EGFLAM: variants seen among roughly 807,000 people sequenced by gnomAD.
EGFLAM encodes the protein pikachurin.
EGFLAM carries 79 observed loss-of-function variants against 113.1 expected under a neutral mutation model. That is an observed-to-expected ratio of 0.70 (90% CI 0.58 to 0.84). The LOEUF (loss-of-function observed/expected upper bound fraction) is 0.84. Ranked by LOEUF, EGFLAM falls within the 40% of genes least tolerant of loss-of-function variation. EGFLAM has a pLI of 0.00. For synonymous variants in EGFLAM, 504 were observed against 487.6 expected, an observed-to-expected ratio of 1.03 and a Z score of -0.44; for missense variants, 1,265 against 1,291.6, an observed-to-expected ratio of 0.98 and a Z score of 0.32.
intron 1 of EGFLAM, among the ~76,000 whole-genome samples, chr5:38,327,320 C>A (rs1489956577): frequency 1.3e-5 from 2 of 152,044 alleles, no homozygotes; most frequent in Non-Finnish European, 2.9e-5. Context: ...ATACCCACAC[C>A]CACATGTCTT....
intron 15 of EGFLAM, 77 bp downstream of exon 15, chr5:38,431,365 C>A: frequency 7.0e-7 from 1 of 1,434,270 alleles, no homozygotes; most frequent in Non-Finnish European, 9.6e-7. Context: ...GGTAGAAAAG[C>A]AGCAGAGTGT....
chr5:38,333,947 G>T (rs1219567920), intron 1 of EGFLAM, among the ~76,000 whole-genome samples: 2 of 91,874 alleles, frequency 2.2e-5, no homozygotes, highest in African/African-American at 5.5e-5. Context: ...TTTTGAGATG[G>T]AGTTTTGCTC....
At chr5:38,259,240 C>T (rs553859488) in intron 1 of EGFLAM, among the ~76,000 whole-genome samples, 2 of 152,258 alleles carry the variant, frequency 1.3e-5, no homozygotes, top group Admixed American at 6.5e-5. Flanking sequence ...TGTCCAGAGC[C>T]CAGCCATTTC....
intron 1 of EGFLAM, among the ~76,000 whole-genome samples, chr5:38,335,046 C>G (rs550387503): frequency 1.3e-5 from 2 of 152,120 alleles, no homozygotes; most frequent in Non-Finnish European, 2.9e-5. Flanking sequence ...CCCACAAAAA[C>G]TAGGCAGCCC....
chr5:38,388,936 A>AC (rs1483452111), intron 6 of EGFLAM, among the ~76,000 whole-genome samples: 2 of 151,354 alleles, frequency 1.3e-5, no homozygotes, highest in Admixed American at 1.3e-4. Flanking sequence ...AAAAAAACAA[A>AC]AAAAAATGCA....
At chr5:38,289,495 C>T (rs757004783) in intron 1 of EGFLAM, among the ~76,000 whole-genome samples, 3 of 152,190 alleles carry the variant, frequency 2.0e-5, no homozygotes, top group Non-Finnish European at 2.9e-5. Flanking sequence ...AGAGACTGAT[C>T]TCTGAAGCAT....
chr5:38,429,007 C>T (rs1377879652), intron 14 of EGFLAM, among the ~76,000 whole-genome samples: 3 of 152,210 alleles, frequency 2.0e-5, no homozygotes, highest in African/African-American at 4.8e-5. Flanking sequence ...CCATTGGAAG[C>T]TGTTTATTTT....
rs1742681422 is a variant in EGFLAM at position 38,445,598 on chromosome 5, C to T, written c.2465-2703C>T. The T allele has an allele frequency of 5.6e-6, 9 of 1,598,132 alleles. No individual in the cohort carries two copies. In the Admixed American group the frequency reaches 1.2e-4, roughly 21 times the overall value. The stretch of plus-strand genomic sequence containing the variant: ...AGAAACAAGGCTGGCTTCAAGTGAT[C>T]TGCAACCAGAGTAATTGGGATTTGA... On this transcript the variant is annotated intron_variant, in intron 17 of 21. Transcript: ENST00000322350.
intron 1 of EGFLAM, among the ~76,000 whole-genome samples, chr5:38,267,101 A>G (rs543048199): frequency 6.6e-6 from 1 of 152,328 alleles, no homozygotes; most frequent in African/African-American, 2.4e-5. Flanking sequence ...CCGAGCAAGG[A>G]TATACATCCC....
intron 6 of EGFLAM, among the ~76,000 whole-genome samples, chr5:38,405,617 A>G (rs1156928832): frequency 1.3e-5 from 2 of 152,196 alleles, no homozygotes; most frequent in African/African-American, 4.8e-5. Context: ...TTGTTCTTAT[A>G]AATAGCATAT....
At chr5:38,435,408 C>G (rs548432574) in intron 16 of EGFLAM, among the ~76,000 whole-genome samples, 155 bp downstream of exon 16, 1 of 152,368 alleles carries the variant, frequency 6.6e-6, no homozygotes, top group South Asian at 2.1e-4. Flanking sequence ...CACAGCATGG[C>G]TTTCCAACCT....
intron 1 of EGFLAM, among the ~76,000 whole-genome samples, chr5:38,321,440 A>T (rs910783179): frequency 6.6e-6 from 1 of 152,188 alleles, no homozygotes; most frequent in Non-Finnish European, 1.5e-5. Context: ...GTACTGATCC[A>T]TGGCCCCTGT....
At chr5:38,381,975 G>C (rs755806044) in intron 6 of EGFLAM, among the ~76,000 whole-genome samples, 25 of 152,208 alleles carry the variant, frequency 1.6e-4, no homozygotes, top group Non-Finnish European at 3.1e-4. Context: ...AGTGTAGCTG[G>C]AGAAGGGAGT....
intron 6 of EGFLAM, among the ~76,000 whole-genome samples, chr5:38,390,969 T>C (rs1370987857): frequency 6.6e-6 from 1 of 152,166 alleles, no homozygotes; most frequent in Non-Finnish European, 1.5e-5. Flanking sequence ...TCAGTTATGG[T>C]ATCCATTAGG....
chr5:38,392,624 T>A (rs1400652789), intron 6 of EGFLAM, among the ~76,000 whole-genome samples: 1 of 144,512 alleles, frequency 6.9e-6, no homozygotes, highest in East Asian at 2.0e-4. Flanking sequence ...TCTATTCTTT[T>A]TTTTTGGGGG....
intron 6 of EGFLAM, among the ~76,000 whole-genome samples, chr5:38,384,912 G>C (rs151335458): frequency 5.9e-5 from 9 of 152,036 alleles, no homozygotes; most frequent in African/African-American, 2.2e-4. Flanking sequence ...TGTCACAACT[G>C]GGGGGAAAGT....
At chr5:38,452,271 A>G (rs1027602475) in intron 19 of EGFLAM, among the ~76,000 whole-genome samples, 1 of 151,996 alleles carries the variant, frequency 6.6e-6, no homozygotes, top group African/African-American at 2.4e-5. Flanking sequence ...ACCTCAGGTG[A>G]TCCACCCGCT....
chr5:38,418,553 A>G (rs537181711), intron 12 of EGFLAM, among the ~76,000 whole-genome samples: 12 of 152,342 alleles, frequency 7.9e-5, no homozygotes, highest in Admixed American at 7.8e-4. Context: ...TACTGGACAA[A>G]GCAACAAGCG....
intron 10 of EGFLAM, among the ~76,000 whole-genome samples, chr5:38,411,061 T>C (rs1741460660): frequency 6.6e-6 from 1 of 152,198 alleles, no homozygotes; most frequent in Non-Finnish European, 1.5e-5. Flanking sequence ...TTACTTTTCT[T>C]ATGGGTCCTG....
Sources: gnomAD v4.1 joint callset for allele counts (sites outside exome capture counted in the v4.1 genomes callset) on GRCh38, gnomAD v4.1.1 for gene constraint, MANE v1.5 for transcripts, NCBI Gene and HGNC (gene_info 2026-07-23, HGNC 2026-07-21) for gene names.